The following URI1 variants were observed in gnomAD, a reference collection of about 807,000 sequenced individuals.
URI1 encodes the protein unconventional prefoldin RPB5 interactor 1.
In URI1, 39 loss-of-function variants were observed where a neutral mutation model predicts 60.2. The observed-to-expected ratio is 0.65, with a 90% CI of 0.50 to 0.85. The LOEUF (loss-of-function observed/expected upper bound fraction) is 0.85. URI1 is among the 40% of genes least tolerant of loss of function. The pLI is 0.00. For missense variants in URI1, 691 were observed against 665.9 expected, an observed-to-expected ratio of 1.04 and a Z score of -0.42; for synonymous variants, 251 against 236.8, an observed-to-expected ratio of 1.06 and a Z score of -0.55.
rs537299838 is a variant in URI1 at position 29,971,387 on chromosome 19, TTG to T, written c.152+162_152+163del. Among the ~76,000 whole-genome samples, 4 of 152,184 alleles carry T rather than the reference TTG, an allele frequency of 2.6e-5. No homozygotes were observed. The South Asian group carries it at 6.2e-4, about 24-fold the overall frequency. ...TGAATGCCTTTAATACTAATTTATA[TTG>T]TCTTTGACCCTTTTCTGAATTACAC... is the stretch of plus-strand genomic sequence containing the variant. On this transcript the variant is annotated intron_variant, in intron 2 of 10. Coordinates refer to ENST00000392271, the MANE Select transcript of URI1 (RefSeq NM_003796.3).
At chr19:29,984,422 C>CT (rs1415989700) in intron 2 of URI1, among the ~76,000 whole-genome samples, 2 of 152,240 alleles carry the variant, frequency 1.3e-5, no homozygotes, top group East Asian at 1.9e-4. Flanking sequence ...GAGAGAGACT[C>CT]TGTCTTAAAA....
At chr19:29,940,919 A>ATGG (rs1219476913), upstream of URI1, among the ~76,000 whole-genome samples, 2 of 152,096 alleles carry the variant, frequency 1.3e-5, no homozygotes, top group Middle Eastern at 3.2e-3. Context: ...TGGAGAGAGG[A>ATGG]TGGTGGTGGT....
chr19:29,950,338 T>C (rs1416574151), intron 1 of URI1, among the ~76,000 whole-genome samples: 1 of 152,224 alleles, frequency 6.6e-6, no homozygotes, highest in Non-Finnish European at 1.5e-5. Context: ...CCTGTTGTTA[T>C]CATTTTTAGT....
At chr19:29,972,437 A>G (rs1364135484) in intron 2 of URI1, among the ~76,000 whole-genome samples, 2 of 152,086 alleles carry the variant, frequency 1.3e-5, no homozygotes, top group Non-Finnish European at 2.9e-5. Context: ...AGAGTGGCCC[A>G]TTTTACAAAT....
At chr19:29,954,260 C>G (rs2055214975) in intron 1 of URI1, among the ~76,000 whole-genome samples, 1 of 152,178 alleles carries the variant, frequency 6.6e-6, no homozygotes, top group Non-Finnish European at 1.5e-5. Context: ...GTAATTAATG[C>G]TTTTGGGGTG....
At chr19:29,942,742 T>A in intron 1 of URI1, 78 bp downstream of exon 1, 1 of 1,288,690 alleles carries the variant, frequency 7.8e-7, no homozygotes, top group Non-Finnish European at 9.9e-7. Flanking sequence ...CCGCCCCGCG[T>A]GGCCTAGGCC....
chr19:29,942,650 G>A lies in URI1; in HGVS notation c.103G>A (p.Glu35Lys). 6.9e-7 allele frequency: 1 copy of A among 1,443,872 alleles called. No individual in the cohort carries two copies. The highest frequency in any genetic ancestry group is 9.1e-7 in the Non-Finnish European group (1 of 1,098,190). The allele number at this position is 1,443,872 out of a possible 1,614,324, so 89.4% of individuals were successfully genotyped here. A position where few individuals can be genotyped will look rare whatever the true frequency, so the allele number is the denominator to read the frequency against. ...CGCCCCGGATGTGGCGCGGCTGCGC[G>A]AGGAGCAGGAAAAGGTAACTAGCAG... ...LRAPDVARLR[E>K]EQEKVVTNCQ... The change falls in exon 1 of 11, where the codon GAG (glutamate) becomes AAG (lysine). Residue 35 changes from glutamate (E) to lysine (K), a missense_variant. Transcript: ENST00000392271.
chr19:29,997,964 C>T (rs923909069), intron 4 of URI1, among the ~76,000 whole-genome samples: 1 of 152,030 alleles, frequency 6.6e-6, no homozygotes, highest in Non-Finnish European at 1.5e-5. Flanking sequence ...GGGGTTTCAC[C>T]ATGTTGTCCA....
chr19:29,995,437 G>C (rs2145406336), intron 4 of URI1, among the ~76,000 whole-genome samples: 1 of 151,616 alleles, frequency 6.6e-6, no homozygotes. Context: ...TTCTTGTTCA[G>C]TTGTAGTTCT....
chr19:29,985,191 T>G, intron 2 of URI1, 32 bp from the exon 3 acceptor site: 2 of 542,834 alleles, frequency 3.7e-6, no homozygotes, highest in South Asian at 2.0e-5. Context: ...AAATCGTTAA[T>G]AATGTGTGTA....
intron 1 of URI1, among the ~76,000 whole-genome samples, chr19:29,943,656 G>A (rs1232810726): frequency 6.6e-6 from 1 of 151,908 alleles, no homozygotes; most frequent in Non-Finnish European, 1.5e-5. Flanking sequence ...CTACTAGATG[G>A]GGGTTTTGAT....
chr19:29,935,173 T>C (rs1482058854), intron 1 of URI1, among the ~76,000 whole-genome samples: 1 of 152,196 alleles, frequency 6.6e-6, no homozygotes, highest in Non-Finnish European at 1.5e-5. Flanking sequence ...TCCCTGTCTG[T>C]ATATTTTTTA....
intron 4 of URI1, among the ~76,000 whole-genome samples, chr19:29,999,912 G>A (rs2055856961): frequency 1.3e-5 from 2 of 150,710 alleles, no homozygotes; most frequent in African/African-American, 2.4e-5. Context: ...TTCTGTTTTT[G>A]GCTATTTTTA....
At chr19:29,990,464 T>C (rs2055732751) in intron 4 of URI1, among the ~76,000 whole-genome samples, 1 of 152,264 alleles carries the variant, frequency 6.6e-6, no homozygotes, top group Admixed American at 6.5e-5. Context: ...AGAGCAGCAC[T>C]GCTTATAGTA....
At chr19:29,964,464 G>GTTTTTTTTTTTTTT (rs373357906) in intron 1 of URI1, among the ~76,000 whole-genome samples, 1 of 124,654 alleles carries the variant, frequency 8.0e-6, no homozygotes, top group Non-Finnish European at 1.7e-5. Flanking sequence ...TTTTTGTTTT[G>GTTTTTTTTTTTTTT]TTTTTTTTTT....
chr19:29,945,699 A>C (rs2055094574), intron 1 of URI1, among the ~76,000 whole-genome samples: 1 of 152,230 alleles, frequency 6.6e-6, no homozygotes, highest in African/African-American at 2.4e-5. Flanking sequence ...TGGTTAAATA[A>C]ATCAGGAGCT....
chr19:29,987,049 A>T (rs1408470888), intron 4 of URI1, among the ~76,000 whole-genome samples: 1 of 152,138 alleles, frequency 6.6e-6, no homozygotes, highest in Non-Finnish European at 1.5e-5. Flanking sequence ...ATACACACAC[A>T]CAACACACAC....
intron 1 of URI1, among the ~76,000 whole-genome samples, chr19:29,932,652 T>TC (rs1211896977): frequency 1.9e-5 from 1 of 52,952 alleles, no homozygotes; most frequent in Non-Finnish European, 3.4e-5. Context: ...CCCCCTTCAT[T>TC]CCTTTTTTTT....
intron 4 of URI1, among the ~76,000 whole-genome samples, chr19:30,000,586 A>G (rs1405299598): frequency 1.3e-5 from 2 of 152,016 alleles, no homozygotes; most frequent in East Asian, 3.9e-4. Flanking sequence ...TTTTGGATAC[A>G]TTATTCTGTT....
Sources: gnomAD v4.1 joint callset for allele counts (sites outside exome capture counted in the v4.1 genomes callset) on GRCh38, gnomAD v4.1.1 for gene constraint, MANE v1.5 for transcripts, NCBI Gene and HGNC (gene_info 2026-07-23, HGNC 2026-07-21) for gene names.